Variants in LRFN5 observed in about 807,000 individuals in gnomAD.
LRFN5 encodes the protein leucine-rich repeat and fibronectin type-III domain-containing protein 5.
In LRFN5, 24 loss-of-function variants were observed where a neutral mutation model predicts 45.6. The ratio of observed to expected loss-of-function variants is 0.53; its 90% CI spans 0.38 to 0.74. The LOEUF (loss-of-function observed/expected upper bound fraction) is 0.74, where lower values mean the gene tolerates loss of function less well. LRFN5 is among the 30% of genes least tolerant of loss of function. The pLI, the probability that LRFN5 is intolerant of heterozygous loss-of-function variation, is 0.00. For synonymous variants in LRFN5, 340 were observed against 313.8 expected, an observed-to-expected ratio of 1.08 and a Z score of -0.88; for missense variants, 776 against 861.5, an observed-to-expected ratio of 0.90 and a Z score of 1.24.
chr14:41,744,443 G>T (rs1884836089), intron 1 of LRFN5, among the ~76,000 whole-genome samples: 1 of 152,046 alleles, frequency 6.6e-6, no homozygotes, highest in South Asian at 2.1e-4. Context: ...CACAAAAGAG[G>T]ACAGTAGTGT....
intron 1 of LRFN5, among the ~76,000 whole-genome samples, chr14:41,762,266 T>A (rs1283636341): frequency 2.6e-5 from 4 of 152,114 alleles, no homozygotes; most frequent in Non-Finnish European, 4.4e-5. Flanking sequence ...TCAGCAAGAT[T>A]TATGCTTTAT....
At chr14:41,619,907 C>G (rs1278628222) in intron 1 of LRFN5, among the ~76,000 whole-genome samples, 1 of 152,022 alleles carries the variant, frequency 6.6e-6, no homozygotes, top group African/African-American at 2.4e-5. Context: ...CACACAGCGA[C>G]TGGCAAATAA....
chr14:41,824,556 G>A lies in LRFN5; in HGVS notation c.-21+57527G>A, dbSNP rs1888229497. Among the ~76,000 whole-genome samples, 4 of 152,194 alleles carry A rather than the reference G, an allele frequency of 2.6e-5. 1 individual carries two copies. Among genetic ancestry groups the A allele is most frequent in the African/African-American group, 9.6e-5 (4 of 41,466 alleles). ...GCTCAGGAAGCTTATCTTACACCCA[G>A]TGCTGTGCACTTTTGTTAGCAGGTT... On this transcript the variant is annotated intron_variant, in intron 2 of 5. Coordinates refer to ENST00000298119, the MANE Select transcript of LRFN5 (RefSeq NM_152447.5).
At chr14:41,728,749 C>T (rs1450165677) in intron 1 of LRFN5, among the ~76,000 whole-genome samples, 1 of 152,074 alleles carries the variant, frequency 6.6e-6, no homozygotes, top group Non-Finnish European at 1.5e-5. Flanking sequence ...TTATGAGTCT[C>T]TTGGTTCTAA....
intron 1 of LRFN5, among the ~76,000 whole-genome samples, chr14:41,628,911 G>C (rs1308685321): frequency 1.3e-5 from 2 of 152,056 alleles, no homozygotes; most frequent in Non-Finnish European, 2.9e-5. Flanking sequence ...CACAGAGATG[G>C]TGCATGTTGG....
intron 1 of LRFN5, among the ~76,000 whole-genome samples, chr14:41,744,524 A>T (rs1884838892): frequency 6.6e-6 from 1 of 152,138 alleles, no homozygotes; most frequent in South Asian, 2.1e-4. Flanking sequence ...TAAGTCCCAC[A>T]TTATCAGTAA....
At chr14:41,879,014 C>A (rs1228547957) in intron 2 of LRFN5, among the ~76,000 whole-genome samples, 4 of 151,904 alleles carry the variant, frequency 2.6e-5, no homozygotes, top group African/African-American at 9.7e-5. Flanking sequence ...AATCATTAAT[C>A]ACAATTTATA....
chr14:41,737,294 T>C (rs986478372), intron 1 of LRFN5, among the ~76,000 whole-genome samples: 1 of 152,134 alleles, frequency 6.6e-6, no homozygotes, highest in African/African-American at 2.4e-5. Context: ...TTTGATAAAA[T>C]TTAACACCCC....
chr14:41,612,355 A>G (rs181961180), intron 1 of LRFN5, among the ~76,000 whole-genome samples: 1 of 152,172 alleles, frequency 6.6e-6, no homozygotes, highest in African/African-American at 2.4e-5. Flanking sequence ...AACTTCCTAA[A>G]GGCTTAACTG....
At chr14:41,797,356 A>C (rs533920708) in intron 2 of LRFN5, among the ~76,000 whole-genome samples, 1 of 151,690 alleles carries the variant, frequency 6.6e-6, no homozygotes. Flanking sequence ...TTGTTTGTGA[A>C]TATATCACCT....
chr14:41,835,983 A>G (rs1434963936), intron 2 of LRFN5, among the ~76,000 whole-genome samples: 1 of 151,860 alleles, frequency 6.6e-6, no homozygotes, highest in Non-Finnish European at 1.5e-5. Flanking sequence ...CTCAGAATTC[A>G]CTATAATACA....
intron 2 of LRFN5, among the ~76,000 whole-genome samples, chr14:41,834,794 C>T (rs1298199908): frequency 6.6e-6 from 1 of 151,986 alleles, no homozygotes; most frequent in Non-Finnish European, 1.5e-5. Context: ...ACCTGAGTAG[C>T]TGGTACTACA....
chr14:41,799,099 A>T (rs1195373132), intron 2 of LRFN5, among the ~76,000 whole-genome samples: 1 of 152,010 alleles, frequency 6.6e-6, no homozygotes. Context: ...CAGAGTATAA[A>T]TCCAGTTGGG....
chr14:41,643,046 G>A (rs1261296887), intron 1 of LRFN5, among the ~76,000 whole-genome samples: 1 of 152,148 alleles, frequency 6.6e-6, no homozygotes, highest in Non-Finnish European at 1.5e-5. Context: ...CTCACTGAAT[G>A]CAGTGTTAAA....
At chr14:41,897,795 G>A (rs2181736) in intron 4 of LRFN5, among the ~76,000 whole-genome samples, 96,710 of 151,844 alleles carry the variant, frequency 0.64, 31,140 homozygotes, top group Middle Eastern at 0.78. Flanking sequence ...AAACAAAAAC[G>A]AAATATTTTC....
intron 1 of LRFN5, among the ~76,000 whole-genome samples, chr14:41,658,420 T>C (rs1362860191): frequency 1.3e-5 from 2 of 151,994 alleles, no homozygotes; most frequent in Non-Finnish European, 2.9e-5. Flanking sequence ...GGGAAAGAGG[T>C]GAATAATAAT....
At chr14:41,893,473 T>C in intron 4 of LRFN5, 1 of 984,672 alleles carries the variant, frequency 1.0e-6, no homozygotes, top group Non-Finnish European at 1.2e-6. Flanking sequence ...AGCCATAATA[T>C]CATAAGATAG....
intron 2 of LRFN5, among the ~76,000 whole-genome samples, chr14:41,811,370 A>C (rs745718176): frequency 7.9e-5 from 12 of 152,074 alleles, no homozygotes; most frequent in Admixed American, 6.6e-5. Context: ...GTAGTTTCCC[A>C]AACTCTTAAA....
intron 2 of LRFN5, among the ~76,000 whole-genome samples, chr14:41,865,006 G>A (rs564065245): frequency 1.3e-5 from 2 of 151,692 alleles, no homozygotes; most frequent in African/African-American, 4.8e-5. Context: ...ATAGCTTCTT[G>A]GTTTTTATAG....
Sources: allele counts gnomAD v4.1 joint callset (sites outside exome capture counted in the v4.1 genomes callset), GRCh38; gene constraint gnomAD v4.1.1; transcripts MANE v1.5; gene names NCBI Gene and HGNC (gene_info 2026-07-23, HGNC 2026-07-21).